TTBK2: variants seen among roughly 807,000 people sequenced by gnomAD.
TTBK2 encodes tau-tubulin kinase 2.
In TTBK2, 28 loss-of-function variants were observed where a neutral mutation model predicts 110.8. The ratio of observed to expected loss-of-function variants is 0.25; its 90% CI spans 0.19 to 0.35. The LOEUF (loss-of-function observed/expected upper bound fraction) is 0.35, where lower values mean the gene tolerates loss of function less well. Among genes scored for constraint, TTBK2 ranks in the 10% least tolerant of loss-of-function variants. TTBK2 has a pLI of 1.00. For synonymous variants in TTBK2, 532 were observed against 527.3 expected (o/e 1.01, Z -0.12); for missense variants, 1,369 against 1,500.3 (o/e 0.91, Z 1.45).
chr15:42,871,865 T>C (rs1894628922), intron 3 of TTBK2, among the ~76,000 whole-genome samples: 1 of 152,160 alleles, frequency 6.6e-6, no homozygotes, highest in East Asian at 1.9e-4. Flanking sequence ...ATGAGCCAAC[T>C]GGTAGAGAAA....
intron 1 of TTBK2, among the ~76,000 whole-genome samples, chr15:42,898,019 A>C (rs943604871): frequency 1.3e-5 from 2 of 152,050 alleles, no homozygotes; most frequent in Non-Finnish European, 1.5e-5. Flanking sequence ...GTGAAACTCC[A>C]TATCTATAAA....
chr15:42,769,192 T>C (rs1443155354), intron 13 of TTBK2, among the ~76,000 whole-genome samples: 3 of 152,168 alleles, frequency 2.0e-5, no homozygotes, highest in Non-Finnish European at 4.4e-5. Flanking sequence ...ATTCAGGACA[T>C]AGTCATGGGC....
At chr15:42,906,884 C>CA (rs372500816) in intron 1 of TTBK2, among the ~76,000 whole-genome samples, 3,454 of 146,302 alleles carry the variant, frequency 0.024, 98 homozygotes, top group African/African-American at 0.073. Flanking sequence ...GGACATTTCT[C>CA]AAAAAAAAAA....
chr15:42,798,323 G>A (rs541627004), intron 9 of TTBK2: 14 of 456,112 alleles, frequency 3.1e-5, no homozygotes, highest in Middle Eastern at 3.3e-4. Context: ...TGATTCCAAC[G>A]CTTCCCTCTA....
intron 1 of TTBK2, among the ~76,000 whole-genome samples, chr15:42,890,352 C>A (rs1046455565): frequency 2.0e-5 from 3 of 152,206 alleles, no homozygotes; most frequent in Non-Finnish European, 4.4e-5. Flanking sequence ...GGACATGAGA[C>A]AATAAGCATA....
intron 6 of TTBK2, among the ~76,000 whole-genome samples, chr15:42,824,571 T>C (rs1399179007): frequency 6.6e-6 from 1 of 152,206 alleles, no homozygotes; most frequent in African/African-American, 2.4e-5. Context: ...TGATTCTTCA[T>C]CCTTAATGAA....
intron 1 of TTBK2, among the ~76,000 whole-genome samples, chr15:42,903,877 C>A (rs1288308614): frequency 6.6e-6 from 1 of 152,188 alleles, no homozygotes; most frequent in South Asian, 2.1e-4. Context: ...CACTTACTTG[C>A]TCTGATTAAG....
chr15:42,755,751 T>C (rs1411200924), intron 13 of TTBK2, among the ~76,000 whole-genome samples: 1 of 152,240 alleles, frequency 6.6e-6, no homozygotes, highest in Non-Finnish European at 1.5e-5. Context: ...TTTTCTAGTA[T>C]ATTTTGAAAG....
intron 13 of TTBK2, among the ~76,000 whole-genome samples, chr15:42,772,354 GC>G (rs1889715167): frequency 6.6e-6 from 1 of 152,088 alleles, no homozygotes; most frequent in South Asian, 2.1e-4. Context: ...ACTGAGGCCT[GC>G]CAACAGTCAT....
chr15:42,807,418 T>G (rs1891514622), intron 9 of TTBK2, among the ~76,000 whole-genome samples: 1 of 151,990 alleles, frequency 6.6e-6, no homozygotes, highest in Non-Finnish European at 1.5e-5. Context: ...ATTATTATTA[T>G]TATTATTATT....
At position 42,783,597 on chromosome 15, in the gene TTBK2, C is replaced by G; in HGVS notation, c.1019G>C (p.Arg340Pro). The G allele has an allele frequency of 6.2e-7, 1 of 1,613,762 alleles. No homozygotes were observed. Among genetic ancestry groups the G allele is most frequent in the Non-Finnish European group, 8.5e-7 (1 of 1,179,986 alleles). ...TGGAAATACCTCATCTGTATTTTCT[C>G]GAAGCAAGTCTCCAGGGATGGGAGT... The part of the protein sequence containing the change: ...NATPIPGDLL[R>P]ENTDEVFPDE... The change falls in exon 11 of 15, where the codon CGA (arginine) becomes CCA (proline). Residue 340 changes from arginine to proline, a missense_variant. Around this residue, in one of 4 missense-constraint regions of TTBK2, gnomAD observed 1,097 missense variants for 1,114.7 expected, o/e 0.98. Transcript: ENST00000267890.
intron 6 of TTBK2, among the ~76,000 whole-genome samples, chr15:42,822,322 A>G (rs1452130420): frequency 1.3e-5 from 2 of 152,318 alleles, no homozygotes; most frequent in Middle Eastern, 3.4e-3. Flanking sequence ...TATATTATCT[A>G]TTTGAAATTT....
In TTBK2 at chr15:42,815,957, A is replaced by AT. The variant is rs1567040572; in HGVS notation, c.603+1074_603+1075insA. On this transcript the variant is annotated intron_variant, in intron 7 of 14. Transcript: ENST00000267890. ...ATATATATATATATATTTAAAAAAA[A>AT]AATATATATATATATATATATTTGA... Among the ~76,000 whole-genome samples the AT allele has an allele frequency of 8.3e-3, 365 of 43,874 alleles. 6 individuals are homozygous for AT. The highest frequency in any genetic ancestry group is 0.051 in the Middle Eastern group (4 of 78). The allele number at this position is 43,874 out of a possible 152,430, so 28.8% of individuals were successfully genotyped here.
Position 42,739,630 on chromosome 15 carries a change from G to A in TTBK2, c.*6165C>T, listed in dbSNP as rs1172805781. The A allele has an allele frequency of 2.0e-5, 3 of 152,242 alleles. No individual in the cohort carries two copies. Among genetic ancestry groups the A allele is most frequent in the Non-Finnish European group, 4.4e-5 (3 of 68,044 alleles). 9.4% of individuals were successfully genotyped at this position (152,242 alleles called of 1,614,324 possible). A position where few individuals can be genotyped will look rare whatever the true frequency, so the allele number is the denominator to read the frequency against. On this transcript the variant is annotated 3_prime_UTR_variant, in exon 15 of 15. Transcript: ENST00000267890. The stretch of plus-strand genomic sequence containing the variant: ...ACCCAATCCAATGTCAAAGCCCCAA[G>A]TGGGCCAGTGTTACCTTTATCTTCC...
Position 42,878,660 on chromosome 15 carries a change from T to C in TTBK2, c.-43A>G. On this transcript the variant is annotated 5_prime_UTR_variant, in exon 2 of 15. Coordinates refer to ENST00000267890, the MANE Select transcript of TTBK2 (RefSeq NM_173500.4). The stretch of plus-strand genomic sequence containing the variant: ...GTAGAACAGCTACACAGGCATCCAG[T>C]TCCCAAGGGTGGTTTCCATTTAACC... 1.9e-6 allele frequency: 3 copies of C among 1,613,568 alleles called. No individual in the cohort carries two copies. The highest frequency in any genetic ancestry group is 2.5e-6 in the Non-Finnish European group (3 of 1,179,802).
At position 42,760,989 on chromosome 15, in the gene TTBK2, T is replaced by C. The variant is rs138264114; in HGVS notation, c.1999-7742A>G. Among the ~76,000 whole-genome samples, 77 of 152,260 alleles carry C rather than the reference T, an allele frequency of 5.1e-4. 1 individual carries two copies. The East Asian group carries it at 0.014, about 27-fold the overall frequency. ...TGGTACTGGCATAAAAACAGACACATAGACCAACAGAACAGATCAGAGAAT... is the reference window on the plus strand; with the variant it reads ...TGGTACTGGCATAAAAACAGACACACAGACCAACAGAACAGATCAGAGAAT... On this transcript the variant is annotated intron_variant, in intron 13 of 14. Coordinates refer to ENST00000267890, the MANE Select transcript of TTBK2 (RefSeq NM_173500.4).
At chr15:42,750,955 C>G (rs566066792) in intron 14 of TTBK2, among the ~76,000 whole-genome samples, 2 of 152,284 alleles carry the variant, frequency 1.3e-5, no homozygotes, top group East Asian at 3.9e-4. Context: ...AAAGAAATGT[C>G]AACTAAGAAT....
chr15:42,790,328 AG>A (rs1278856141), intron 10 of TTBK2, among the ~76,000 whole-genome samples: 2 of 147,860 alleles, frequency 1.4e-5, no homozygotes, highest in Non-Finnish European at 3.0e-5. Flanking sequence ...TCTGCTGCCC[AG>A]GGTGGAGTAT....
intron 13 of TTBK2, among the ~76,000 whole-genome samples, chr15:42,763,259 G>T (rs1889189820): frequency 8.9e-6 from 1 of 111,974 alleles, no homozygotes; most frequent in African/African-American, 3.6e-5. Context: ...CTGTCACCCA[G>T]GCTGGAGCAC....
Sources: allele counts gnomAD v4.1 joint callset (sites outside exome capture counted in the v4.1 genomes callset), GRCh38; gene constraint gnomAD v4.1.1; regional missense constraint gnomAD v4.1.1; transcripts MANE v1.5; gene names NCBI Gene and HGNC (gene_info 2026-07-23, HGNC 2026-07-21).